ENDOU: variants seen among roughly 807,000 people sequenced by gnomAD.
ENDOU encodes uridylate-specific endoribonuclease.
Under a neutral mutation model 54.2 loss-of-function variants are expected in ENDOU, and 49 were observed. The ratio of observed to expected loss-of-function variants is 0.90; its 90% CI spans 0.72 to 1.15. The LOEUF (loss-of-function observed/expected upper bound fraction) is 1.15. ENDOU is among the 50% of genes most tolerant of loss of function. ENDOU has a pLI of 0.00. For synonymous variants in ENDOU, 172 were observed against 190.5 expected, an observed-to-expected ratio of 0.90 and a Z score of 0.80; for missense variants, 458 against 511.4, an observed-to-expected ratio of 0.90 and a Z score of 1.01.
intron 1 of ENDOU, among the ~76,000 whole-genome samples, chr12:47,722,479 A>C (rs1480047992): frequency 1.3e-5 from 2 of 152,234 alleles, no homozygotes; most frequent in African/African-American, 4.8e-5. Context: ...TAAATGAGTT[A>C]ATATATGTAA....
At chr12:47,716,564 C>T (rs764776967) in intron 5 of ENDOU, 65 bp from the exon 6 acceptor site, 221 of 1,495,160 alleles carry the variant, frequency 1.5e-4, no homozygotes, top group Admixed American at 3.8e-4. Context: ...CCTCCAGAGA[C>T]TTCTAGACAG....
intron 4 of ENDOU, 121 bp downstream of exon 4, chr12:47,717,397 G>A (rs1397218190): frequency 1.8e-6 from 2 of 1,136,708 alleles, no homozygotes; most frequent in Non-Finnish European, 1.3e-6. Flanking sequence ...AAGCCCCAGA[G>A]TTTGTGTTTC....
At chr12:47,724,858 T>A (rs910485232) in intron 1 of ENDOU, among the ~76,000 whole-genome samples, 8 of 152,080 alleles carry the variant, frequency 5.3e-5, no homozygotes, top group Non-Finnish European at 1.0e-4. Flanking sequence ...GAGGCCCACC[T>A]CCTGGTCAAA....
intron 7 of ENDOU, 49 bp downstream of exon 7, chr12:47,713,226 A>G (rs1464333269): frequency 1.5e-6 from 2 of 1,291,230 alleles, no homozygotes. Context: ...GAGCAAAGCC[A>G]TTCCTCTTCA....
Position 47,712,196 on chromosome 12 carries a change from G to A in ENDOU, c.972+320C>T, listed in dbSNP as rs114328853. 7.3e-3 allele frequency among the ~76,000 whole-genome samples: 1,116 copies of A among 152,298 alleles called. 11 individuals carry two copies. Among genetic ancestry groups the A allele is most frequent in the African/African-American group, 0.025 (1,045 of 41,552 alleles). The stretch of plus-strand genomic sequence containing the variant: ...TAGCCAGGCTGAAACTTTCAGCCAC[G>A]TTCTAAGGAAACTGAGGCAGGGAGT... On this transcript the variant is annotated intron_variant, in intron 8 of 9. Transcript: ENST00000422538.
intron 8 of ENDOU, 69 bp downstream of exon 8, chr12:47,712,447 C>T: frequency 1.6e-6 from 2 of 1,233,624 alleles, no homozygotes; most frequent in Non-Finnish European, 2.4e-6. Flanking sequence ...GGCAAGTCGA[C>T]AGTTTGGAAC....
chr12:47,720,646 C>A, intron 2 of ENDOU, 107 bp downstream of exon 2: 1 of 1,273,480 alleles, frequency 7.9e-7, no homozygotes, highest in Non-Finnish European at 1.1e-6. Context: ...TCTGTCCAGA[C>A]CCTTAGAGCC....
At chr12:47,717,806 C>G in intron 3 of ENDOU, 151 bp from the exon 4 acceptor site, 1 of 765,164 alleles carries the variant, frequency 1.3e-6, no homozygotes, top group East Asian at 2.6e-5. Context: ...CGTGCACACC[C>G]TTCACAGTCA....
At chr12:47,719,899 C>T (rs2136685738) in intron 2 of ENDOU, 1 of 152,336 alleles carries the variant, frequency 6.6e-6, no homozygotes, top group East Asian at 1.9e-4. Flanking sequence ...TTTCTCTCAG[C>T]AGACACAACT....
intron 3 of ENDOU, chr12:47,717,856 C>T (rs1592509168): frequency 3.3e-6 from 2 of 615,012 alleles, no homozygotes; most frequent in South Asian, 4.2e-5. Context: ...TTCTGGCCTG[C>T]TGTTTTTCTA....
rs926870882 is a variant in ENDOU, at chr12:47,713,742, G to GA, written c.752-355_752-354insT. ...GAAAGGGCTGGCACATAAGTTGGCGGGGGGGGGGGGTCTTCTAGAAAGGAA... is the reference window on the plus strand; with the variant it reads ...GAAAGGGCTGGCACATAAGTTGGCGGAGGGGGGGGGGTCTTCTAGAAAGGAA... On this transcript the variant is annotated intron_variant, in intron 6 of 9. Coordinates refer to ENST00000422538, the MANE Select transcript of ENDOU (RefSeq NM_001172439.2). 9.6e-5 allele frequency among the ~76,000 whole-genome samples: 6 copies of GA among 62,386 alleles called. No homozygotes were observed. The East Asian group carries it at 2.3e-3, about 24-fold the overall frequency. 40.9% of individuals were successfully genotyped at this position (62,386 alleles called of 152,430 possible).
intron 6 of ENDOU, among the ~76,000 whole-genome samples, chr12:47,714,134 G>A (rs1038302493): frequency 3.3e-5 from 5 of 152,192 alleles, no homozygotes; most frequent in Non-Finnish European, 7.3e-5. Flanking sequence ...GAATCCTCAC[G>A]TTGAATCTTC....
intron 5 of ENDOU, among the ~76,000 whole-genome samples, 167 bp from the exon 6 acceptor site, chr12:47,716,666 C>T (rs1043047547): frequency 6.6e-6 from 1 of 152,182 alleles, no homozygotes; most frequent in Non-Finnish European, 1.5e-5. Flanking sequence ...TTTTCTTCCA[C>T]CTCATGTTTT....
At chr12:47,710,954 C>T (rs199699290) in intron 9 of ENDOU, 35 bp from the exon 10 acceptor site, 1 of 1,455,522 alleles carries the variant, frequency 6.9e-7, no homozygotes, top group African/African-American at 1.4e-5. Flanking sequence ...GAGGAGCTCC[C>T]CACTTCACGC....
chr12:47,713,428 G>A (rs1403067609), intron 6 of ENDOU, 40 bp from the exon 7 acceptor site: 5 of 1,471,462 alleles, frequency 3.4e-6, no homozygotes, highest in Non-Finnish European at 4.8e-6. Flanking sequence ...GGGGAGGCAG[G>A]GCCAGGTCCT....
chr12:47,717,690 C>T, intron 3 of ENDOU, 35 bp from the exon 4 acceptor site: 1 of 1,605,154 alleles, frequency 6.2e-7, no homozygotes, highest in South Asian at 1.1e-5. Flanking sequence ...CCGGGCTGAC[C>T]TCTAGAGGTC....
At chr12:47,721,188 C>T (rs1306558765) in intron 1 of ENDOU, among the ~76,000 whole-genome samples, 2 of 152,098 alleles carry the variant, frequency 1.3e-5, no homozygotes, top group Non-Finnish European at 1.5e-5. Context: ...AAATGGAGAC[C>T]GTGACAAACT....
At chr12:47,721,337 C>A (rs1940427048) in intron 1 of ENDOU, among the ~76,000 whole-genome samples, 1 of 151,958 alleles carries the variant, frequency 6.6e-6, no homozygotes, top group South Asian at 2.1e-4. Flanking sequence ...GTGAAATTTT[C>A]CAACCTTGTA....
At chr12:47,715,974 G>T in intron 6 of ENDOU, among the ~76,000 whole-genome samples, 1 of 152,150 alleles carries the variant, frequency 6.6e-6, no homozygotes, top group African/African-American at 2.4e-5. Flanking sequence ...TGCTCTGGGT[G>T]GGGGTGGGAT....
Sources: gnomAD v4.1 joint callset for allele counts (sites outside exome capture counted in the v4.1 genomes callset) on GRCh38, gnomAD v4.1.1 for gene constraint, MANE v1.5 for transcripts, NCBI Gene and HGNC (gene_info 2026-07-23, HGNC 2026-07-21) for gene names.